INPP5K: variants seen among roughly 807,000 people sequenced by gnomAD.
INPP5K encodes inositol polyphosphate 5-phosphatase K.
INPP5K carries 35 observed loss-of-function variants against 53.5 expected under a neutral mutation model. The ratio of observed to expected loss-of-function variants is 0.65; its 90% CI spans 0.50 to 0.87. The LOEUF (loss-of-function observed/expected upper bound fraction) is 0.87, where lower values mean the gene tolerates loss of function less well. INPP5K is among the 40% of genes least tolerant of loss of function. The pLI, the probability that INPP5K is intolerant of heterozygous loss-of-function variation, is 0.00. For synonymous variants in INPP5K, 253 were observed against 232.8 expected, an observed-to-expected ratio of 1.09 and a Z score of -0.79; for missense variants, 550 against 586.2, an observed-to-expected ratio of 0.94 and a Z score of 0.64.
rs1340318697 is a variant in INPP5K at position 1,508,186 on chromosome 17, C to T, written c.595G>A (p.Asp199Asn). The stretch of plus-strand genomic sequence containing the variant: ...TCCCGAACAAAGTGCAACCCAAAGT[C>T]CTCGATCCGAAAGTTCATGTCTCCA... ...WFGDMNFRIE[D>N]FGLHFVRESI... is the part of the protein sequence containing the mutation. The change falls in exon 6 of 12, where the codon GAC becomes AAC. Residue 199 changes from aspartate to asparagine, a missense_variant. Transcript: ENST00000421807. The T allele has an allele frequency of 6.2e-7, 1 of 1,614,078 alleles. No homozygotes were observed. Among genetic ancestry groups the T allele is most frequent in the Non-Finnish European group, 8.5e-7 (1 of 1,179,998 alleles).
At chr17:1,515,888 T>C (rs575223092) in intron 1 of INPP5K, 1 of 985,126 alleles carries the variant, frequency 1.0e-6, no homozygotes, top group Middle Eastern at 5.2e-4. Flanking sequence ...CCAGACTCAC[T>C]CTAAGAGGAT....
Position 1,507,043 on chromosome 17 carries a change from T to C in INPP5K, c.713A>G (p.Glu238Gly), listed in dbSNP as rs774671614. 6.2e-7 allele frequency: 1 copy of C among 1,613,998 alleles called. No homozygotes were observed. The highest frequency in any genetic ancestry group is 8.5e-7 in the Non-Finnish European group (1 of 1,179,970). ...KHDPLLREFQ[E>G]GRLLFPPTYK... is the part of the protein sequence containing the mutation. The stretch of plus-strand genomic sequence containing the variant: ...GGTGGGCGGGAAGAGTAGGCGGCCC[T>C]CCTGGAACTCCCGGAGCAGCGGGTC... Residue 238 changes from glutamate (E) to glycine (G), a missense_variant, in exon 7 of 12, where the codon GAG becomes GGG. Glu to Gly is a moderately conservative substitution (Grantham distance 98, BLOSUM62 -2). Transcript: ENST00000421807.
rs1188486346 is a variant in INPP5K, at chr17:1,514,113, G to A, written c.45-134C>T. 3.1e-5 allele frequency: 15 copies of A among 480,164 alleles called. No homozygotes were observed. In the South Asian group the frequency reaches 3.4e-4, roughly 11 times the overall value. 29.7% of individuals were successfully genotyped at this position (480,164 alleles called of 1,614,324 possible). A position where few individuals can be genotyped will look rare whatever the true frequency, so the allele number is the denominator to read the frequency against. On this transcript the variant is annotated intron_variant, in intron 1 of 11. Transcript: ENST00000421807. ...CGAGGTGGGCGGATCACCTGAGGTC[G>A]GGAGTTCGAGACAAGCCTGGCCAAC...
chr17:1,502,034 C>CAA (rs577456958), intron 7 of INPP5K, among the ~76,000 whole-genome samples: 1 of 132,252 alleles, frequency 7.6e-6, no homozygotes, highest in African/African-American at 2.8e-5. Context: ...GACTCCATCT[C>CAA]AAAAAAAAAA....
At position 1,497,989 on chromosome 17, in the gene INPP5K, T is replaced by C. The variant is rs932118510; in HGVS notation, c.910A>G (p.Met304Val). The part of the protein sequence containing the change: ...SLSLRGYSSH[M>V]TYGISDHKPV... ...TTGTGGTCGCTGATGCCGTACGTCA[T>C]GTGGCTGCTGTAGCCCCTCAGAGAC... Residue 304 changes from methionine (M) to valine (V), a missense_variant, in exon 8 of 12, where the codon ATG (methionine) becomes GTG (valine). Physicochemically the swap from Met to Val is conservative, Grantham distance 21. Transcript: ENST00000421807. 3.7e-6 allele frequency: 6 copies of C among 1,614,018 alleles called. No homozygotes were observed. In the African/African-American group the frequency reaches 4.0e-5, roughly 11 times the overall value.
At chr17:1,515,787 TGAG>T in intron 1 of INPP5K, 1 of 679,794 alleles carries the variant, frequency 1.5e-6, no homozygotes, top group Non-Finnish European at 1.8e-6. Context: ...GCACTCGGCC[TGAG>T]ATTTTGAGCT....
At chr17:1,515,256 A>G (rs927609154) in intron 1 of INPP5K, among the ~76,000 whole-genome samples, 1 of 152,300 alleles carries the variant, frequency 6.6e-6, no homozygotes. Flanking sequence ...TTAAGAGTCT[A>G]TGCTCTATGT....
At position 1,498,474 on chromosome 17, in the gene INPP5K, A is replaced by G. The variant is rs148357109; in HGVS notation, c.777-352T>C. On this transcript the variant is annotated intron_variant, in intron 7 of 11. Coordinates refer to ENST00000421807, the MANE Select transcript of INPP5K (RefSeq NM_016532.4). ...CTGAGGTTTGAGATTCTGAGGCTGG[A>G]CACACCTGAGCTTGTATTTGGCTGC... Among the ~76,000 whole-genome samples, 1,357 of 152,314 alleles carry G rather than the reference A, an allele frequency of 8.9e-3. 15 individuals carry two copies. Among genetic ancestry groups the G allele is most frequent in the Non-Finnish European group, 0.012 (789 of 68,016 alleles).
chr17:1,510,311 G>C (rs2075278212), intron 3 of INPP5K: 1 of 152,468 alleles, frequency 6.6e-6, no homozygotes, highest in Non-Finnish European at 1.5e-5. Flanking sequence ...CCACCTCCTG[G>C]GTTCAGGTGA....
At chr17:1,505,529 C>G (rs766341916) in intron 7 of INPP5K, among the ~76,000 whole-genome samples, 2 of 152,144 alleles carry the variant, frequency 1.3e-5, no homozygotes, top group Non-Finnish European at 2.9e-5. Context: ...GCTCTGTTGC[C>G]CAGGGCGGGT....
intron 7 of INPP5K, among the ~76,000 whole-genome samples, chr17:1,502,152 A>T (rs539608700): frequency 9.2e-5 from 14 of 151,990 alleles, no homozygotes; most frequent in South Asian, 6.2e-4. Context: ...CATGGAGACC[A>T]TCCTGGCTAA....
At chr17:1,495,938 C>G in intron 11 of INPP5K, 59 bp from the exon 12 acceptor site, 1 of 1,483,672 alleles carries the variant, frequency 6.7e-7, no homozygotes, top group Non-Finnish European at 9.4e-7. Context: ...TGCTTTCCAT[C>G]ACCCCCGTTC....
At chr17:1,510,923 G>T (rs947222018) in intron 3 of INPP5K, among the ~76,000 whole-genome samples, 32 of 152,044 alleles carry the variant, frequency 2.1e-4, no homozygotes, top group African/African-American at 6.5e-4. Context: ...CACTGTACTC[G>T]GCCTGCTCTT....
intron 7 of INPP5K, among the ~76,000 whole-genome samples, chr17:1,499,773 C>T (rs2074957901): frequency 6.6e-6 from 1 of 152,170 alleles, no homozygotes; most frequent in African/African-American, 2.4e-5. Context: ...AGCAGGACAG[C>T]TGCGGTTTCT....
intron 7 of INPP5K, among the ~76,000 whole-genome samples, chr17:1,505,536 G>A (rs1042151176): frequency 3.3e-5 from 5 of 152,214 alleles, no homozygotes; most frequent in African/African-American, 7.2e-5. Flanking sequence ...TGCCCAGGGC[G>A]GGTCCCTTCC....
In INPP5K at chr17:1,495,714, T is replaced by C; in HGVS notation, c.*109A>G. The C allele has an allele frequency of 1.4e-6, 1 of 737,278 alleles. No homozygotes were observed. The highest frequency in any genetic ancestry group is 1.6e-5 in the South Asian group (1 of 64,470). 45.7% of individuals were successfully genotyped at this position (737,278 alleles called of 1,614,324 possible). On this transcript the variant is annotated 3_prime_UTR_variant, in exon 12 of 12. Coordinates refer to ENST00000421807, the MANE Select transcript of INPP5K (RefSeq NM_016532.4). ...TCTGGGAGGAGTATGTGGACGACAC[T>C]TGGCTGTCTCTTCAGGGGGCCAGGC...
rs2074830807 is a variant in INPP5K at position 1,496,150 on chromosome 17, G to A, written c.1200C>T (p.Ile400=). The A allele has an allele frequency of 6.2e-7, 1 of 1,611,028 alleles. No individual in the cohort carries two copies. The highest frequency in any genetic ancestry group is 8.5e-7 in the Non-Finnish European group (1 of 1,177,214). Reference sequence around the variant, plus strand: ...CATCTTCAGTGGTAGGGATATTGCTGATGTCGATGTAAACCTGGAGGGGGA... The same window carrying A: ...CATCTTCAGTGGTAGGGATATTGCTAATGTCGATGTAAACCTGGAGGGGGA... ...SDNLNQVYID[I]SNIPTTEDEF... is the part of the protein sequence containing the mutation. The change falls in exon 11 of 12, where the codon ATC becomes ATT. Residue 400 remains isoleucine (I), a synonymous_variant. Coordinates refer to ENST00000421807, the MANE Select transcript of INPP5K (RefSeq NM_016532.4).
At position 1,516,586 on chromosome 17, in the gene INPP5K, G is replaced by A. The variant is rs894490206; in HGVS notation, c.-87C>T. 1.3e-5 allele frequency: 19 copies of A among 1,433,728 alleles called. No homozygotes were observed. The African/African-American group carries it at 2.4e-4, about 18-fold the overall frequency. 88.8% of individuals were successfully genotyped at this position (1,433,728 alleles called of 1,614,324 possible). A position where few individuals can be genotyped will look rare whatever the true frequency, so the allele number is the denominator to read the frequency against. ...GCCAGAGCAGCCCTGCGGGCGGCCG[G>A]TCTCACGCGCCTAGCTGTCGCGGAC... On this transcript the variant is annotated 5_prime_UTR_variant, in exon 1 of 12. Coordinates refer to ENST00000421807, the MANE Select transcript of INPP5K (RefSeq NM_016532.4).
chr17:1,500,984 G>A (rs1397431952), intron 7 of INPP5K, among the ~76,000 whole-genome samples: 2 of 142,888 alleles, frequency 1.4e-5, no homozygotes, highest in East Asian at 2.0e-4. Flanking sequence ...TTTTTAAGAC[G>A]GAGTCTCGCT....
Sources: gnomAD v4.1 joint callset for allele counts (sites outside exome capture counted in the v4.1 genomes callset) on GRCh38, gnomAD v4.1.1 for gene constraint, MANE v1.5 for transcripts, NCBI Gene and HGNC (gene_info 2026-07-23, HGNC 2026-07-21) for gene names.